Variants in GATA3 observed in about 807,000 individuals in gnomAD.
GATA3 encodes the protein GATA binding protein 3, also known as trans-acting T-cell-specific transcription factor GATA-3.
A neutral mutation model predicts 36.0 loss-of-function variants in GATA3; 6 were observed. The ratio of observed to expected loss-of-function variants is 0.17; its 90% CI spans 0.09 to 0.33. GATA3 has a LOEUF of 0.33. GATA3 is among the 10% of genes least tolerant of loss of function. The probability of loss-of-function intolerance (pLI) is 1.00; values close to 1 mark genes in which losing one functional copy is unlikely to be tolerated. For synonymous variants in GATA3, 326 were observed against 273.0 expected (o/e 1.19, Z -1.92); for missense variants, 514 against 610.1 (o/e 0.84, Z 1.66).
chr10:8,068,825 C>A (rs756289021), intron 4 of GATA3, among the ~76,000 whole-genome samples: 1 of 152,244 alleles, frequency 6.6e-6, no homozygotes, highest in Non-Finnish European at 1.5e-5. Flanking sequence ...TCCTACTTGG[C>A]GCTTCCTCAG....
intron 3 of GATA3, among the ~76,000 whole-genome samples, chr10:8,061,106 C>T (rs1420961852): frequency 2.5e-5 from 3 of 120,574 alleles, no homozygotes; most frequent in Non-Finnish European, 5.6e-5. Flanking sequence ...ACCCCTTTAA[C>T]CTCTTCTTTG....
intron 3 of GATA3, among the ~76,000 whole-genome samples, chr10:8,062,688 TAAAAC>T (rs1832769888): frequency 1.3e-5 from 2 of 152,176 alleles, no homozygotes; most frequent in African/African-American, 2.4e-5. Context: ...ATTACTCTCT[TAAAAC>T]AAAACAGTCT....
intron 2 of GATA3, 40 bp from the exon 3 acceptor site, chr10:8,058,265 C>T (rs1318611072): frequency 6.2e-7 from 1 of 1,606,962 alleles, no homozygotes; most frequent in Non-Finnish European, 8.5e-7. Context: ...GCCACACTCA[C>T]CCTCCTTCTC....
At chr10:8,063,678 T>A (rs911664479) in intron 3 of GATA3, among the ~76,000 whole-genome samples, 1 of 152,204 alleles carries the variant, frequency 6.6e-6, no homozygotes, top group East Asian at 1.9e-4. Flanking sequence ...GTAGCTGGAA[T>A]CTGCATTCCT....
intron 4 of GATA3, among the ~76,000 whole-genome samples, chr10:8,066,784 T>C (rs1832850822): frequency 6.6e-6 from 1 of 152,232 alleles, no homozygotes; most frequent in Admixed American, 6.5e-5. Context: ...TACCTCCTGC[T>C]AGTGACCCAA....
At chr10:8,047,572 C>G (rs998533125) in intron 1 of GATA3, among the ~76,000 whole-genome samples, 10 of 152,226 alleles carry the variant, frequency 6.6e-5, no homozygotes, top group African/African-American at 4.8e-5. Flanking sequence ...TGAGGAATCC[C>G]CCTTTTGCTT....
chr10:8,067,626 G>A (rs1832864448), intron 4 of GATA3, among the ~76,000 whole-genome samples: 1 of 152,200 alleles, frequency 6.6e-6, no homozygotes, highest in Non-Finnish European at 1.5e-5. Context: ...AGACCATCCT[G>A]GCTAACACAG....
At chr10:8,049,393 A>G (rs534258707), upstream of GATA3, among the ~76,000 whole-genome samples, 2 of 152,354 alleles carry the variant, frequency 1.3e-5, no homozygotes, top group South Asian at 2.1e-4. Context: ...GGGATCCTCA[A>G]CCAGTATTGC....
chr10:8,070,711 C>A (rs1832917876), intron 5 of GATA3, among the ~76,000 whole-genome samples: 1 of 152,084 alleles, frequency 6.6e-6, no homozygotes, highest in African/African-American at 2.4e-5. Context: ...CTCAGGGTGA[C>A]CCCAGCACCC....
intron 4 of GATA3, among the ~76,000 whole-genome samples, chr10:8,065,711 T>TC (rs1375850545): frequency 7.0e-6 from 1 of 143,280 alleles, no homozygotes; most frequent in South Asian, 2.3e-4. Context: ...TTTTTTTTTT[T>TC]TTTTTTTTTT....
upstream of GATA3, chr10:8,051,147 T>TTG: frequency 3.9e-6 from 1 of 257,874 alleles, no homozygotes. Flanking sequence ...TCTTCGCCCC[T>TTG]GGGAGGGCGG....
chr10:8,070,847 C>T (rs372644648), intron 5 of GATA3, among the ~76,000 whole-genome samples: 216 of 152,294 alleles, frequency 1.4e-3, no homozygotes, highest in Non-Finnish European at 2.2e-3. Flanking sequence ...AGTCTTACTA[C>T]GATCCCTTAT....
upstream of GATA3, chr10:8,050,958 C>T (rs1375221745): frequency 6.3e-6 from 3 of 478,242 alleles, no homozygotes; most frequent in Admixed American, 6.8e-5. Flanking sequence ...CTCGGCCCCG[C>T]GGAGCTCGCC....
At chr10:8,060,292 T>C (rs1480270646) in intron 3 of GATA3, among the ~76,000 whole-genome samples, 1 of 152,164 alleles carries the variant, frequency 6.6e-6, no homozygotes, top group Admixed American at 6.5e-5. Context: ...GCATGTTCAG[T>C]ACATGAAAGT....
chr10:8,067,690 C>A (rs865879556), intron 4 of GATA3, among the ~76,000 whole-genome samples: 1 of 139,568 alleles, frequency 7.2e-6, no homozygotes, highest in Non-Finnish European at 1.5e-5. Flanking sequence ...CGGTGGCGGG[C>A]GCCTGTAGTC....
rs1446161855 is a variant in GATA3 at position 8,054,760 on chromosome 10, TACTG to T, written c.-499_-496del. On this transcript the variant is annotated 5_prime_UTR_variant, in exon 1 of 6. Transcript: ENST00000379328. The surrounding 1 kb of genome is among the most constrained non-coding windows in gnomAD (Gnocchi z 4.2). ...ATTCCCTGTAAAAAAAAAAAAAAAA[TACTG>T]AGAGAGGGAGAGAGAGAGAGAAGAA... 16 of 108,008 alleles carry T rather than the reference TACTG, an allele frequency of 1.5e-4. No individual in the cohort carries two copies. Among genetic ancestry groups the T allele is most frequent in the South Asian group, 6.1e-4 (2 of 3,274 alleles). The allele number at this position is 108,008 out of a possible 1,614,324, so 6.7% of individuals were successfully genotyped here.
At chr10:8,047,742 T>C (rs986771236) in intron 1 of GATA3, among the ~76,000 whole-genome samples, 1 of 152,156 alleles carries the variant, frequency 6.6e-6, no homozygotes, top group East Asian at 1.9e-4. Context: ...TGCTGTTTTG[T>C]TTTATATAAC....
At chr10:8,062,698 C>T (rs979938683) in intron 3 of GATA3, among the ~76,000 whole-genome samples, 4 of 152,176 alleles carry the variant, frequency 2.6e-5, no homozygotes, top group African/African-American at 9.7e-5. Flanking sequence ...TAAAACAAAA[C>T]AGTCTTCAGA....
chr10:8,065,515 C>T (rs555563507), intron 4 of GATA3, among the ~76,000 whole-genome samples: 6 of 151,908 alleles, frequency 3.9e-5, no homozygotes, highest in Admixed American at 6.5e-5. Flanking sequence ...CCTCGGCCTC[C>T]CAGAGTGCTG....
Sources: gnomAD v4.1 joint callset for allele counts (sites outside exome capture counted in the v4.1 genomes callset) on GRCh38, gnomAD v4.1.1 for gene constraint, Gnocchi (gnomAD v3.1) non-coding constraint, MANE v1.5 for transcripts, NCBI Gene and HGNC (gene_info 2026-07-23, HGNC 2026-07-21) for gene names.